The following URB1 variants were observed in gnomAD, a reference collection of about 807,000 sequenced individuals.
URB1 encodes nucleolar pre-ribosomal-associated protein 1.
A neutral mutation model predicts 242.3 loss-of-function variants in URB1; 197 were observed. That is an observed-to-expected ratio of 0.81 (90% CI 0.72 to 0.91). The LOEUF (loss-of-function observed/expected upper bound fraction) is 0.91, where lower values mean the gene tolerates loss of function less well. Ranked by LOEUF, URB1 falls within the 40% of genes least tolerant of loss-of-function variation. The pLI is 0.00. For synonymous variants in URB1, 1,153 were observed against 1,201.8 expected, an observed-to-expected ratio of 0.96 and a Z score of 0.84; for missense variants, 2,721 against 2,860.5, an observed-to-expected ratio of 0.95 and a Z score of 1.11.
In URB1 at chr21:32,341,512, C is replaced by T. The variant is rs1398499818; in HGVS notation, c.4270G>A (p.Glu1424Lys). 7.1e-6 allele frequency: 11 copies of T among 1,551,374 alleles called. No homozygotes were observed. The highest frequency in any genetic ancestry group is 9.6e-6 in the Non-Finnish European group (11 of 1,146,972). ...TTCTGCCAGTCACCAGGATCAACTT[C>T]ATTAAGTGCATGCTATGAATAAAAT... Reference protein sequence around the residue: ...RLNALLHALNEVDPGDWQKFV... With the variant: ...RLNALLHALNKVDPGDWQKFV... Residue 1424 changes from glutamate to lysine, a missense_variant, in exon 25 of 39, where the codon GAA becomes AAA. Transcript: ENST00000382751.
At chr21:32,329,364 C>G (rs893715481) in intron 30 of URB1, among the ~76,000 whole-genome samples, 1 of 152,160 alleles carries the variant, frequency 6.6e-6, no homozygotes. Flanking sequence ...TACATAATAT[C>G]CCCCAGAGGC....
At chr21:32,366,591 A>AGAAGTGG in intron 10 of URB1, 27 bp downstream of exon 10, 1 of 1,550,488 alleles carries the variant, frequency 6.4e-7, no homozygotes. Context: ...AGGCAGTTCC[A>AGAAGTGG]GAAGTGGGGC....
rs1434224980 is a variant in URB1, at chr21:32,350,686, G to A, written c.2832+18C>T. 2 of 1,548,462 alleles carry A rather than the reference G, an allele frequency of 1.3e-6. No homozygotes were observed. Among genetic ancestry groups the A allele is most frequent in the South Asian group, 1.2e-5 (1 of 83,890 alleles). ...TGGCAGAGCTCTGAAGCCTGTGGAG[G>A]ATGGGGGCAACGCTGACCTGGCCGA... On this transcript the variant is annotated intron_variant, in intron 20 of 38. Transcript: ENST00000382751.
At chr21:32,385,159 C>T (rs756002602) in intron 2 of URB1, among the ~76,000 whole-genome samples, 11 of 152,152 alleles carry the variant, frequency 7.2e-5, no homozygotes, top group Admixed American at 2.6e-4. Context: ...TTTCAACAGG[C>T]GCATCAATAT....
rs202022844 is a variant in URB1, at chr21:32,366,751, T to C, written c.1202A>G (p.Tyr401Cys). 7.7e-6 allele frequency: 12 copies of C among 1,551,492 alleles called. No individual in the cohort carries two copies. The highest frequency in any genetic ancestry group is 7.3e-5 in the East Asian group (3 of 40,924). Residue 401 changes from tyrosine (Y) to cysteine (C), a missense_variant, in exon 10 of 39, where the codon TAT (tyrosine) becomes TGT (cysteine). Tyr to Cys is a radical substitution (Grantham distance 194). Coordinates refer to ENST00000382751, the MANE Select transcript of URB1 (RefSeq NM_014825.3). ...LNNIKLLNKI[Y>C]EAQPEISRAF... Reference sequence around the variant, plus strand: ...CCGGGAAATCTCCGGCTGAGCCTCATAGATCTAGGAAAAGCAAAAAAGAGA... The same window carrying C: ...CCGGGAAATCTCCGGCTGAGCCTCACAGATCTAGGAAAAGCAAAAAAGAGA...
intron 1 of URB1, among the ~76,000 whole-genome samples, chr21:32,387,522 G>A (rs968903553): frequency 1.3e-5 from 2 of 149,622 alleles, no homozygotes; most frequent in Non-Finnish European, 1.5e-5. Flanking sequence ...GTTGGAAGCC[G>A]CATGAGAGCG....
rs1218469148 is a variant in URB1 at position 32,347,803 on chromosome 21, C to T, written c.3021G>A (p.Glu1007=). ...GCCTGAGGATGGCCACAAGCACCTC[C>T]TCCAGCGTCTGAAAGGCAGTGACGA... ...SLELANDQTL[E]EVLVAILRHP... Residue 1007 remains glutamate, a synonymous_variant, in exon 22 of 39, where the codon GAG becomes GAA. Transcript: ENST00000382751. The T allele has an allele frequency of 1.9e-6, 3 of 1,542,708 alleles. No individual in the cohort carries two copies. Among genetic ancestry groups the T allele is most frequent in the African/African-American group, 1.4e-5 (1 of 73,026 alleles).
At chr21:32,339,394 G>A (rs1027019068) in intron 25 of URB1, among the ~76,000 whole-genome samples, 4 of 152,016 alleles carry the variant, frequency 2.6e-5, no homozygotes, top group African/African-American at 9.7e-5. Context: ...CCACTGACAC[G>A]GCACTGCATA....
chr21:32,390,030 A>G (rs2033621719), intron 1 of URB1, among the ~76,000 whole-genome samples: 1 of 152,172 alleles, frequency 6.6e-6, no homozygotes, highest in Non-Finnish European at 1.5e-5. Flanking sequence ...AGGTTATGAG[A>G]GCGTATAAAG....
chr21:32,338,958 G>C, intron 25 of URB1, 58 bp from the exon 26 acceptor site: 1 of 1,412,116 alleles, frequency 7.1e-7, no homozygotes, highest in South Asian at 1.4e-5. Flanking sequence ...TTATTTTACA[G>C]GAAACAATAA....
intron 4 of URB1, among the ~76,000 whole-genome samples, chr21:32,381,734 T>TA (rs761985398): frequency 9.9e-5 from 15 of 152,208 alleles, no homozygotes; most frequent in Non-Finnish European, 2.2e-4. Context: ...CTTTTTCTGT[T>TA]AGAGTACATG....
chr21:32,347,283 C>A lies in URB1; in HGVS notation c.3541G>T (p.Val1181Leu). The A allele has an allele frequency of 6.4e-7, 1 of 1,551,100 alleles. No homozygotes were observed. Residue 1181 changes from valine to leucine, a missense_variant, in exon 22 of 39, where the codon GTG becomes TTG. Physicochemically the swap from Val to Leu is conservative, Grantham distance 32. Transcript: ENST00000382751. ...SGELLWSSEY[V>L]RGLGALLPTL... The stretch of plus-strand genomic sequence containing the variant: ...GGCAGCAGAGCCCCCAGGCCTCTCA[C>A]ATACTCGGAGGACCACAGGAGCTCA...
intron 22 of URB1, among the ~76,000 whole-genome samples, chr21:32,345,812 A>C (rs771345783): frequency 3.9e-5 from 6 of 152,116 alleles, no homozygotes; most frequent in Non-Finnish European, 7.4e-5. Flanking sequence ...GATACTCTTC[A>C]ACACAGGGGG....
At chr21:32,364,882 C>T (rs1206200137) in intron 10 of URB1, among the ~76,000 whole-genome samples, 3 of 152,212 alleles carry the variant, frequency 2.0e-5, no homozygotes, top group Non-Finnish European at 4.4e-5. Flanking sequence ...TCTTGGCTCT[C>T]GGAAAGGGCA....
At chr21:32,345,278 C>T in intron 23 of URB1, 96 bp downstream of exon 23, 1 of 1,330,132 alleles carries the variant, frequency 7.5e-7, no homozygotes, top group Admixed American at 2.1e-5. Context: ...TGGGGCACAA[C>T]AGTAATGCAG....
chr21:32,325,195 C>T lies in URB1; in HGVS notation c.5121+34G>A, dbSNP rs764006693. On this transcript the variant is annotated intron_variant, in intron 31 of 38. Coordinates refer to ENST00000382751, the MANE Select transcript of URB1 (RefSeq NM_014825.3). ...AGCTCTCTGAAGTCCGCCAGGCCCA[C>T]CCCCACAGTAGGATGTACGCTCTTC... 13 of 1,524,348 alleles carry T rather than the reference C, an allele frequency of 8.5e-6. No individual in the cohort carries two copies. In the African/African-American group the frequency reaches 1.8e-4, roughly 21 times the overall value. The allele number at this position is 1,524,348 out of a possible 1,614,324, so 94.4% of individuals were successfully genotyped here.
At chr21:32,360,893 C>T (rs1354259736) in intron 13 of URB1, 114 bp downstream of exon 13, 7 of 633,378 alleles carry the variant, frequency 1.1e-5, no homozygotes, top group South Asian at 9.7e-5. Context: ...CTCAGGCTGA[C>T]GGATGAGCAC....
chr21:32,323,913 AGATCATGCCACTGCACTCCAGCCTGGGT>A (rs1291874265), intron 32 of URB1, among the ~76,000 whole-genome samples: 1 of 152,164 alleles, frequency 6.6e-6, no homozygotes, highest in East Asian at 1.9e-4. Flanking sequence ...CAGTGAGCCG[AGATCATGCCACTGCACTCCAGCCTGGGT>A]GACAGTGCCA....
intron 36 of URB1, among the ~76,000 whole-genome samples, chr21:32,318,528 G>C (rs1264074993): frequency 7.7e-4 from 117 of 152,294 alleles, no homozygotes; most frequent in Non-Finnish European, 4.0e-4. Context: ...ATTTAGTTTT[G>C]AACAATACAA....
Sources: allele counts gnomAD v4.1 joint callset (sites outside exome capture counted in the v4.1 genomes callset), GRCh38; gene constraint gnomAD v4.1.1; transcripts MANE v1.5; gene names NCBI Gene and HGNC (gene_info 2026-07-23, HGNC 2026-07-21).